Variants in TNFRSF21 observed in about 807,000 individuals in gnomAD.
TNFRSF21 encodes tumor necrosis factor receptor superfamily member 21.
TNFRSF21 carries 19 observed loss-of-function variants against 45.6 expected under a neutral mutation model. The ratio of observed to expected loss-of-function variants is 0.42; its 90% CI spans 0.29 to 0.61. The LOEUF (loss-of-function observed/expected upper bound fraction) is 0.61, where lower values mean the gene tolerates loss of function less well. Among genes scored for constraint, TNFRSF21 ranks in the 20% least tolerant of loss-of-function variants. The probability of loss-of-function intolerance (pLI) is 0.23; values close to 1 mark genes in which losing one functional copy is unlikely to be tolerated. For synonymous variants in TNFRSF21, 314 were observed against 335.5 expected (o/e 0.94, Z 0.70); for missense variants, 737 against 851.5 (o/e 0.87, Z 1.67).
intron 3 of TNFRSF21, among the ~76,000 whole-genome samples, chr6:47,274,456 A>C (rs1386360202): frequency 6.6e-6 from 1 of 152,228 alleles, no homozygotes; most frequent in Non-Finnish European, 1.5e-5. Context: ...CTGAAACTGG[A>C]TCCCTTCCTT....
chr6:47,296,971 T>C (rs1490362229), intron 1 of TNFRSF21, among the ~76,000 whole-genome samples: 1 of 152,206 alleles, frequency 6.6e-6, no homozygotes, highest in Non-Finnish European at 1.5e-5. Flanking sequence ...GTGGGAACCT[T>C]GATTTACAGT....
intron 3 of TNFRSF21, among the ~76,000 whole-genome samples, chr6:47,264,254 G>A (rs1231488243): frequency 1.3e-5 from 2 of 152,206 alleles, no homozygotes; most frequent in Non-Finnish European, 2.9e-5. Context: ...TAGGCCGGGT[G>A]CGGTGGCTCA....
chr6:47,261,050 T>C (rs921459410), intron 3 of TNFRSF21, among the ~76,000 whole-genome samples: 2 of 152,176 alleles, frequency 1.3e-5, no homozygotes, highest in East Asian at 3.8e-4. Flanking sequence ...GATGTACACA[T>C]GGAAGACGGG....
In TNFRSF21 at chr6:47,239,285, CAAAAAA is replaced by C. The variant is rs548172761; in HGVS notation, c.1510-4393_1510-4388del. On this transcript the variant is annotated intron_variant, in intron 4 of 5. Coordinates refer to ENST00000296861, the MANE Select transcript of TNFRSF21 (RefSeq NM_014452.5). ...TGGGCAACAGAGCAAGACTCCATCT[CAAAAAA>C]AAAAAAAAAAAAAAAAAAAGGAAAC... Among the ~76,000 whole-genome samples the C allele has an allele frequency of 4.1e-3, 238 of 57,352 alleles. 3 individuals are homozygous for C. The highest frequency in any genetic ancestry group is 0.041 in the South Asian group (62 of 1,506). 37.6% of individuals were successfully genotyped at this position (57,352 alleles called of 152,430 possible).
chr6:47,299,623 T>C (rs891525159), intron 1 of TNFRSF21, among the ~76,000 whole-genome samples: 4 of 152,326 alleles, frequency 2.6e-5, no homozygotes, highest in African/African-American at 7.2e-5. Context: ...TCCTTCTCAA[T>C]AGTTATGACA....
rs1762641972 is a variant in TNFRSF21, at chr6:47,286,021, G to C, written c.671C>G (p.Ser224Cys). The part of the protein sequence containing the change: ...LPSFSSSTSP[S>C]PGTAIFPRPE... ...GCGTGGAAAGATGGCTGTGCCAGGG[G>C]AAGGTGAGGTGGAGCTGGAGAAGGA... The change falls in exon 2 of 6, where the codon TCC (serine) becomes TGC (cysteine). Residue 224 changes from serine (S) to cysteine (C), a missense_variant. Ser to Cys is a moderately radical substitution (Grantham distance 112). Transcript: ENST00000296861. 1 of 1,614,246 alleles carries C rather than the reference G, an allele frequency of 6.2e-7. No individual in the cohort carries two copies. The highest frequency in any genetic ancestry group is 2.2e-5 in the East Asian group (1 of 44,884).
intron 1 of TNFRSF21, among the ~76,000 whole-genome samples, chr6:47,305,008 T>C (rs1762919097): frequency 6.6e-6 from 1 of 152,186 alleles, no homozygotes; most frequent in East Asian, 1.9e-4. Flanking sequence ...GGCTAACGTA[T>C]GTCATTCTCA....
At chr6:47,251,040 C>T (rs546723033) in intron 4 of TNFRSF21, among the ~76,000 whole-genome samples, 2 of 152,126 alleles carry the variant, frequency 1.3e-5, no homozygotes, top group South Asian at 2.1e-4. Context: ...GGACCTATCC[C>T]CAAACTATCT....
chr6:47,301,219 T>A (rs1762861487), intron 1 of TNFRSF21, among the ~76,000 whole-genome samples: 1 of 152,228 alleles, frequency 6.6e-6, no homozygotes, highest in Non-Finnish European at 1.5e-5. Context: ...TAAATCAAGA[T>A]CCTTCTGAAA....
chr6:47,249,882 G>A (rs967495421), intron 4 of TNFRSF21, among the ~76,000 whole-genome samples: 1 of 151,462 alleles, frequency 6.6e-6, no homozygotes, highest in African/African-American at 2.4e-5. Flanking sequence ...AACAGATGAG[G>A]AAAAATGGAA....
chr6:47,253,223 G>A (rs201364159), intron 4 of TNFRSF21, 33 bp downstream of exon 4: 8 of 1,602,032 alleles, frequency 5.0e-6, no homozygotes, highest in South Asian at 2.2e-5. Flanking sequence ...GCAATAGGTC[G>A]GTGGTAATGA....
At chr6:47,264,222 T>C (rs983173820) in intron 3 of TNFRSF21, among the ~76,000 whole-genome samples, 4 of 152,156 alleles carry the variant, frequency 2.6e-5, no homozygotes, top group Non-Finnish European at 4.4e-5. Flanking sequence ...GAGTGAAATA[T>C]ACATTTTAAA....
At chr6:47,300,613 C>G (rs1428998387) in intron 1 of TNFRSF21, among the ~76,000 whole-genome samples, 2 of 152,172 alleles carry the variant, frequency 1.3e-5, no homozygotes, top group Non-Finnish European at 2.9e-5. Flanking sequence ...GATATGGCCC[C>G]TGCCTGCCTT....
intron 3 of TNFRSF21, among the ~76,000 whole-genome samples, chr6:47,266,515 A>G (rs1373343755): frequency 1.3e-5 from 2 of 152,236 alleles, no homozygotes; most frequent in East Asian, 1.9e-4. Context: ...AATATAACTT[A>G]GTTCAATATA....
chr6:47,236,568 T>C (rs1471233123), intron 4 of TNFRSF21, among the ~76,000 whole-genome samples: 1 of 152,238 alleles, frequency 6.6e-6, no homozygotes. Context: ...ACATGTCTAA[T>C]GTTCCAACAG....
intron 3 of TNFRSF21, among the ~76,000 whole-genome samples, chr6:47,260,803 G>A (rs1765064302): frequency 6.6e-6 from 1 of 152,172 alleles, no homozygotes; most frequent in African/African-American, 2.4e-5. Flanking sequence ...GTGCATCTAA[G>A]AGACAGGTTT....
At position 47,232,660 on chromosome 6, in the gene TNFRSF21, AAC is replaced by A. The variant is rs143094975; in HGVS notation, c.*103_*104del. 4.3e-4 allele frequency: 271 copies of A among 631,730 alleles called. No homozygotes were observed. The highest frequency in any genetic ancestry group is 7.3e-4 in the Admixed American group (25 of 34,406). The allele number at this position is 631,730 out of a possible 1,614,324, so 39.1% of individuals were successfully genotyped here. On this transcript the variant is annotated 3_prime_UTR_variant, in exon 6 of 6. Coordinates refer to ENST00000296861, the MANE Select transcript of TNFRSF21 (RefSeq NM_014452.5). The stretch of plus-strand genomic sequence containing the variant: ...ACACACACACACACACACACACACA[AAC>A]ACACACACACACCCCAAACAACAAA...
intron 3 of TNFRSF21, among the ~76,000 whole-genome samples, chr6:47,271,207 A>C (rs1168460281): frequency 6.6e-6 from 1 of 152,174 alleles, no homozygotes; most frequent in Non-Finnish European, 1.5e-5. Flanking sequence ...CAAGACACAT[A>C]ATTGTCAGAT....
At chr6:47,304,204 G>A (rs1299220140) in intron 1 of TNFRSF21, among the ~76,000 whole-genome samples, 1 of 150,744 alleles carries the variant, frequency 6.6e-6, no homozygotes, top group Non-Finnish European at 1.5e-5. Context: ...TGGAAAATAA[G>A]CACAAGGAAA....
Sources: allele counts gnomAD v4.1 joint callset (sites outside exome capture counted in the v4.1 genomes callset), GRCh38; gene constraint gnomAD v4.1.1; transcripts MANE v1.5; gene names NCBI Gene and HGNC (gene_info 2026-07-23, HGNC 2026-07-21).